The following IL15RA variants were observed in gnomAD, a reference collection of about 807,000 sequenced individuals.
IL15RA encodes interleukin 15 receptor subunit alpha.
A neutral mutation model predicts 24.2 loss-of-function variants in IL15RA; 26 were observed. The ratio of observed to expected loss-of-function variants is 1.07; its 90% CI spans 0.79 to 1.49. IL15RA has a LOEUF of 1.49. IL15RA is among the 40% of genes most tolerant of loss of function. The pLI is 0.00. For synonymous variants in IL15RA, 166 were observed against 157.6 expected, an observed-to-expected ratio of 1.05 and a Z score of -0.40; for missense variants, 354 against 356.4, an observed-to-expected ratio of 0.99 and a Z score of 0.05.
intron 1 of IL15RA, among the ~76,000 whole-genome samples, chr10:5,969,398 A>T (rs1837215703): frequency 1.3e-5 from 2 of 151,642 alleles, no homozygotes; most frequent in South Asian, 4.1e-4. Context: ...TCCAAGATAG[A>T]GTCTCACTCT....
chr10:5,974,481 G>T (rs1425207037), intron 1 of IL15RA, among the ~76,000 whole-genome samples: 2 of 151,858 alleles, frequency 1.3e-5, no homozygotes, highest in East Asian at 1.9e-4. Context: ...ATCATACCAA[G>T]AGCTGACAAG....
At chr10:5,949,360 C>T (rs1833711650), downstream of IL15RA, 1 of 470,760 alleles carries the variant, frequency 2.1e-6, no homozygotes, top group South Asian at 1.5e-5. This position sits in a 1 kb window ranked among gnomAD's most constrained non-coding sequence, Gnocchi z 4.4. Flanking sequence ...AGTAAAGTGT[C>T]AATTAAATCC....
chr10:5,953,119 C>T lies in IL15RA; in HGVS notation c.780G>A (p.Leu260=). 1.2e-6 allele frequency: 2 copies of T among 1,614,032 alleles called. No homozygotes were observed. Among genetic ancestry groups the T allele is most frequent in the Non-Finnish European group, 8.5e-7 (1 of 1,179,834 alleles). The change falls in exon 7 of 7, where the codon TTG becomes TTA. Residue 260 remains leucine (L), a synonymous_variant. Coordinates refer to ENST00000379977, the MANE Select transcript of IL15RA (RefSeq NM_002189.4). This position sits in a 1 kb window ranked among gnomAD's most constrained non-coding sequence, Gnocchi z 5.3. Reference sequence around the variant, plus strand: ...TTCATAGGTGGTGAGAGCAGTTTTCCAAGTCTTCATCTCTGCTGCTGGTCC... The same window carrying T: ...TTCATAGGTGGTGAGAGCAGTTTTCTAAGTCTTCATCTCTGCTGCTGGTCC... ...TWGTSSRDED[L]ENCSHHL is the part of the protein sequence containing the mutation.
At position 5,957,931 on chromosome 10, in the gene IL15RA, A is replaced by T. The variant is rs563824850; in HGVS notation, c.617-1477T>A. On this transcript the variant is annotated intron_variant, in intron 5 of 6. Transcript: ENST00000379977. ...ATAAAAGTCATGAACTAGCAAAAGC[A>T]GATTATAGATTATAGCCCATCATCA... is the stretch of plus-strand genomic sequence containing the variant. Among the ~76,000 whole-genome samples, 23 of 152,360 alleles carry T rather than the reference A, an allele frequency of 1.5e-4. No individual in the cohort carries two copies. The East Asian group carries it at 4.3e-3, about 28-fold the overall frequency.
In IL15RA at chr10:5,959,527, T is replaced by C. The variant is rs1448703695; in HGVS notation, c.616+227A>G. ...GCCAGCTCTCTGGGTTCAACCCCAG[T>C]AGCCTGACAGCTAGAAGCTACCAAT... On this transcript the variant is annotated intron_variant, in intron 5 of 6. Coordinates refer to ENST00000379977, the MANE Select transcript of IL15RA (RefSeq NM_002189.4). The surrounding 1 kb of genome is among the most constrained non-coding windows in gnomAD (Gnocchi z 4.1). 1.3e-5 allele frequency among the ~76,000 whole-genome samples: 2 copies of C among 152,258 alleles called. No homozygotes were observed. Among genetic ancestry groups the C allele is most frequent in the East Asian group, 3.8e-4 (2 of 5,202 alleles).
downstream of IL15RA, among the ~76,000 whole-genome samples, chr10:5,950,333 T>C (rs1164638245): frequency 6.6e-6 from 1 of 152,162 alleles, no homozygotes; most frequent in Admixed American, 6.5e-5. This position sits in a 1 kb window ranked among gnomAD's most constrained non-coding sequence, Gnocchi z 5.6. Flanking sequence ...ACGGGTATAT[T>C]GTGTGATGCT....
Position 5,964,003 on chromosome 10 carries a change from C to T in IL15RA, c.284-162G>A, listed in dbSNP as rs545809769. On this transcript the variant is annotated intron_variant, in intron 2 of 6. Transcript: ENST00000379977. This position sits in a 1 kb window ranked among gnomAD's most constrained non-coding sequence, Gnocchi z 5.6. ...GCATAAGAAACAATGTTTCCCCACCCGAATGCAAAGATAGACTGCAAACTA... is the reference window on the plus strand; with the variant it reads ...GCATAAGAAACAATGTTTCCCCACCTGAATGCAAAGATAGACTGCAAACTA... Among the ~76,000 whole-genome samples, 4 of 152,270 alleles carry T rather than the reference C, an allele frequency of 2.6e-5. No homozygotes were observed. The highest frequency in any genetic ancestry group is 2.1e-4 in the South Asian group (1 of 4,822).
chr10:5,949,606 G>T (rs41294015), downstream of IL15RA, among the ~76,000 whole-genome samples: 1 of 152,050 alleles, frequency 6.6e-6, no homozygotes, highest in African/African-American at 2.4e-5. This position sits in a 1 kb window ranked among gnomAD's most constrained non-coding sequence, Gnocchi z 4.4. Context: ...GGGGAACAGG[G>T]GGGTGAGCAG....
Position 5,965,807 on chromosome 10 carries a change from A to G in IL15RA, c.283+338T>C, listed in dbSNP as rs1398320868. Among the ~76,000 whole-genome samples the G allele has an allele frequency of 2.6e-5, 4 of 151,144 alleles. No homozygotes were observed. The highest frequency in any genetic ancestry group is 4.4e-5 in the Non-Finnish European group (3 of 67,792). The stretch of plus-strand genomic sequence containing the variant: ...GTGATCGCGGCTCACTGTGACCTCT[A>G]CCTCCCGGGTTCAAGCAATTCTCCT... On this transcript the variant is annotated intron_variant, in intron 2 of 6. Coordinates refer to ENST00000379977, the MANE Select transcript of IL15RA (RefSeq NM_002189.4). The surrounding 1 kb of genome is among the most constrained non-coding windows in gnomAD (Gnocchi z 5.8).
chr10:5,968,349 G>T lies in IL15RA; in HGVS notation c.89-2010C>A, dbSNP rs1836962697. Among the ~76,000 whole-genome samples, 2 of 152,038 alleles carry T rather than the reference G, an allele frequency of 1.3e-5. No homozygotes were observed. The highest frequency in any genetic ancestry group is 4.8e-5 in the African/African-American group (2 of 41,476). ...CCTGTACCAGGCAGGCTGGGGGCAG[G>T]GTGGGAGGGGAGAAATCTCAAATTC... On this transcript the variant is annotated intron_variant, in intron 1 of 6. Transcript: ENST00000379977. This position sits in a 1 kb window ranked among gnomAD's most constrained non-coding sequence, Gnocchi z 5.4.
Position 5,968,772 on chromosome 10 carries a change from C to T in IL15RA, c.89-2433G>A, listed in dbSNP as rs1461426266. On this transcript the variant is annotated intron_variant, in intron 1 of 6. Transcript: ENST00000379977. This position sits in a 1 kb window ranked among gnomAD's most constrained non-coding sequence, Gnocchi z 5.4. Reference sequence around the variant, plus strand: ...CTGCCCTCCATGATAGATGGCTGTGCTACCTGCTTGCTGCCTGCTTGTCCG... The same window carrying T: ...CTGCCCTCCATGATAGATGGCTGTGTTACCTGCTTGCTGCCTGCTTGTCCG... The T allele has an allele frequency of 7.1e-6, 5 of 703,866 alleles. No homozygotes were observed. In the Admixed American group the frequency reaches 1.0e-4, roughly 14 times the overall value. 43.6% of individuals were successfully genotyped at this position (703,866 alleles called of 1,614,324 possible). A position where few individuals can be genotyped will look rare whatever the true frequency, so the allele number is the denominator to read the frequency against.
chr10:5,977,264 C>G, intron 1 of IL15RA, 141 bp downstream of exon 1: 1 of 390,714 alleles, frequency 2.6e-6, no homozygotes. Context: ...CCCTCCCCGG[C>G]CTGGGCCTGC....
At position 5,970,792 on chromosome 10, in the gene IL15RA, G is replaced by C. The variant is rs1244979276; in HGVS notation, c.89-4453C>G. Reference sequence around the variant, plus strand: ...TTATTTTATTTTGAGACAGGGTCTAGCTCTGTCACCCAGGCTAGAGCACAA... The same window carrying C: ...TTATTTTATTTTGAGACAGGGTCTACCTCTGTCACCCAGGCTAGAGCACAA... On this transcript the variant is annotated intron_variant, in intron 1 of 6. Transcript: ENST00000379977. The surrounding 1 kb of genome is among the most constrained non-coding windows in gnomAD (Gnocchi z 4.1). 6.8e-6 allele frequency among the ~76,000 whole-genome samples: 1 copy of C among 146,180 alleles called. No individual in the cohort carries two copies. Among genetic ancestry groups the C allele is most frequent in the Non-Finnish European group, 1.5e-5 (1 of 66,802 alleles).
In IL15RA at chr10:5,960,371, C is replaced by T. The variant is rs150566735; in HGVS notation, c.579G>A (p.Pro193=). The change falls in exon 4 of 7, where the codon CCG becomes CCA. Residue 193 remains proline (P), a synonymous_variant. Transcript: ENST00000379977. This position sits in a 1 kb window ranked among gnomAD's most constrained non-coding sequence, Gnocchi z 5.1. ...WELTASASHQ[P]PGVYPQGHSD... ...TGGGGCAAAGCGAGTGCTAACCTGGCGGCTGGTGGGAGGCGGATGCTGTGA... is the reference window on the plus strand; with the variant it reads ...TGGGGCAAAGCGAGTGCTAACCTGGTGGCTGGTGGGAGGCGGATGCTGTGA... The T allele has an allele frequency of 2.8e-5, 45 of 1,613,792 alleles. No individual in the cohort carries two copies. Among genetic ancestry groups the T allele is most frequent in the Admixed American group, 1.7e-4 (10 of 59,984 alleles).
In IL15RA at chr10:5,959,227, AAT is replaced by A. The variant is rs1256957503; in HGVS notation, c.616+525_616+526del. On this transcript the variant is annotated intron_variant, in intron 5 of 6. Coordinates refer to ENST00000379977, the MANE Select transcript of IL15RA (RefSeq NM_002189.4). The surrounding 1 kb of genome is among the most constrained non-coding windows in gnomAD (Gnocchi z 4.1). The stretch of plus-strand genomic sequence containing the variant: ...TGCTATGTTGACCAGGCTGGCCTCA[AAT>A]TCTGGCCTCAAGCAATCCTCCCATT... Among the ~76,000 whole-genome samples, 3 of 150,436 alleles carry A rather than the reference AAT, an allele frequency of 2.0e-5. No homozygotes were observed. The highest frequency in any genetic ancestry group is 4.4e-5 in the Non-Finnish European group (3 of 67,770).
At chr10:5,956,075 C>T (rs762954908) in intron 6 of IL15RA, among the ~76,000 whole-genome samples, 2 of 151,980 alleles carry the variant, frequency 1.3e-5, no homozygotes, top group Non-Finnish European at 2.9e-5. Flanking sequence ...AGTGCAGTGG[C>T]GCAATCTTGG....
In IL15RA at chr10:5,966,044, A is replaced by G. The variant is rs1836465001; in HGVS notation, c.283+101T>C. The G allele has an allele frequency of 1.2e-6, 1 of 804,484 alleles. No homozygotes were observed. The highest frequency in any genetic ancestry group is 1.8e-5 in the South Asian group (1 of 54,682). 49.8% of individuals were successfully genotyped at this position (804,484 alleles called of 1,614,324 possible). On this transcript the variant is annotated intron_variant, in intron 2 of 6. Transcript: ENST00000379977. This position sits in a 1 kb window ranked among gnomAD's most constrained non-coding sequence, Gnocchi z 6.4. ...CCCCCACTGGTGTGTTTAGCCTCAG[A>G]CCTCAGCACAGATCCCTTGACCCCT...
rs140435506 is a variant in IL15RA at position 5,970,252 on chromosome 10, A to G, written c.89-3913T>C. Among the ~76,000 whole-genome samples the G allele has an allele frequency of 6.6e-6, 1 of 152,272 alleles. No homozygotes were observed. Among genetic ancestry groups the G allele is most frequent in the Non-Finnish European group, 1.5e-5 (1 of 68,028 alleles). ...TTCCGGTGATGTTATACCACCACAT[A>G]CATATCCTGTAAAGATCTGAAACAG... On this transcript the variant is annotated intron_variant, in intron 1 of 6. Coordinates refer to ENST00000379977, the MANE Select transcript of IL15RA (RefSeq NM_002189.4). This position sits in a 1 kb window ranked among gnomAD's most constrained non-coding sequence, Gnocchi z 4.1.
chr10:5,977,502 TC>T lies in IL15RA; in HGVS notation c.-11del. 1 of 1,345,760 alleles carries T rather than the reference TC, an allele frequency of 7.4e-7. No individual in the cohort carries two copies. Among genetic ancestry groups the T allele is most frequent in the South Asian group, 1.8e-5 (1 of 54,524 alleles). 83.4% of individuals were successfully genotyped at this position (1,345,760 alleles called of 1,614,324 possible). A position where few individuals can be genotyped will look rare whatever the true frequency, so the allele number is the denominator to read the frequency against. ...CCCGCCGCGGGGCCATGGCGGCAGCTCCACAGGACACCGCTGGACTCCCCGG... is the reference window on the plus strand; with the variant it reads ...CCCGCCGCGGGGCCATGGCGGCAGCTCACAGGACACCGCTGGACTCCCCGG... On this transcript the variant is annotated 5_prime_UTR_variant, in exon 1 of 7. Transcript: ENST00000379977.
Sources: allele counts gnomAD v4.1 joint callset (sites outside exome capture counted in the v4.1 genomes callset), GRCh38; gene constraint gnomAD v4.1.1; non-coding constraint Gnocchi (gnomAD v3.1); transcripts MANE v1.5; gene names NCBI Gene and HGNC (gene_info 2026-07-23, HGNC 2026-07-21).